Variants in PLS1 observed in about 807,000 individuals in gnomAD.
The protein encoded by PLS1 is plastin 1.
In PLS1, 32 loss-of-function variants were observed where a neutral mutation model predicts 73.7. That is an observed-to-expected ratio of 0.43 (90% confidence interval 0.33 to 0.58). PLS1 has a LOEUF of 0.58. PLS1 is among the 20% of genes least tolerant of loss of function. The pLI, the probability that PLS1 is intolerant of heterozygous loss-of-function variation, is 0.04. For missense variants in PLS1, 633 were observed against 740.5 expected, an observed-to-expected ratio of 0.85 and a Z score of 1.68; for synonymous variants, 217 against 261.3, an observed-to-expected ratio of 0.83 and a Z score of 1.63.
intron 2 of PLS1, among the ~76,000 whole-genome samples, chr3:142,665,342 G>GT (rs1203110448): frequency 1.6e-4 from 24 of 148,430 alleles, no homozygotes; most frequent in African/African-American, 5.7e-4. Flanking sequence ...GGAAGCTCAT[G>GT]TTTTACAAAT....
intron 1 of PLS1, chr3:142,654,992 C>G (rs1577845648): frequency 6.6e-6 from 1 of 152,136 alleles, no homozygotes; most frequent in East Asian, 1.9e-4. Flanking sequence ...TTTTACTAAC[C>G]TTTCCCCACA....
At chr3:142,632,611 T>TTC (rs1553782465) in intron 1 of PLS1, among the ~76,000 whole-genome samples, 1 of 151,382 alleles carries the variant, frequency 6.6e-6, no homozygotes, top group Admixed American at 6.6e-5. Flanking sequence ...TTTTTTTTTT[T>TTC]CCCCTGAGAC....
chr3:142,617,844 G>A (rs1477853780), intron 1 of PLS1, among the ~76,000 whole-genome samples: 5 of 152,106 alleles, frequency 3.3e-5, no homozygotes, highest in African/African-American at 1.2e-4. Flanking sequence ...CCGGCTTGGT[G>A]GCATGTGTCT....
intron 1 of PLS1, among the ~76,000 whole-genome samples, chr3:142,629,847 T>C (rs930586598): frequency 6.6e-6 from 1 of 152,184 alleles, no homozygotes; most frequent in African/African-American, 2.4e-5. Flanking sequence ...TATTATATGA[T>C]GTTTAGCAAC....
At chr3:142,662,659 G>A (rs2037396344) in intron 1 of PLS1, among the ~76,000 whole-genome samples, 1 of 152,228 alleles carries the variant, frequency 6.6e-6, no homozygotes. Context: ...GAATAAACAT[G>A]GAGAAGAACA....
At position 142,684,522 on chromosome 3, in the gene PLS1, T is replaced by C. The variant is rs1033824395; in HGVS notation, c.888+127T>C. The C allele has an allele frequency of 6.1e-5, 45 of 736,894 alleles. No homozygotes were observed. The African/African-American group carries it at 7.5e-4, about 12-fold the overall frequency. The allele number at this position is 736,894 out of a possible 1,614,324, so 45.6% of individuals were successfully genotyped here. ...TTGGGATAGAAAATGAAAATTTGCA[T>C]TACTGTGTGAAGTAGATCCCCCAAT... On this transcript the variant is annotated intron_variant, in intron 8 of 15. Transcript: ENST00000457734.
intron 1 of PLS1, among the ~76,000 whole-genome samples, chr3:142,619,055 T>G (rs2036268790): frequency 6.6e-6 from 1 of 152,186 alleles, no homozygotes; most frequent in Non-Finnish European, 1.5e-5. Flanking sequence ...CAAGCATTCA[T>G]GTTGATGTAC....
In PLS1 at chr3:142,711,489, T is replaced by C. The variant is rs1156534412; in HGVS notation, c.1630-12T>C. 6.4e-7 allele frequency: 1 copy of C among 1,562,156 alleles called. No individual in the cohort carries two copies. The highest frequency in any genetic ancestry group is 2.3e-5 in the East Asian group (1 of 44,286). Reference sequence around the variant, plus strand: ...GATGTTTATGAATGTTCATCTATGCTTTATTTTCTAGGATAAATCTATAAG... The same window carrying C: ...GATGTTTATGAATGTTCATCTATGCCTTATTTTCTAGGATAAATCTATAAG... On this transcript the variant is annotated splice_polypyrimidine_tract_variant and intron_variant, in intron 14 of 15. Coordinates refer to ENST00000457734, the MANE Select transcript of PLS1 (RefSeq NM_001145319.2).
chr3:142,682,774 A>G (rs1489749560), intron 6 of PLS1, among the ~76,000 whole-genome samples: 1 of 152,238 alleles, frequency 6.6e-6, no homozygotes, highest in Non-Finnish European at 1.5e-5. Flanking sequence ...CTTAAAAAAC[A>G]TTTGAAGCAG....
chr3:142,693,311 C>T (rs574085882), intron 10 of PLS1, among the ~76,000 whole-genome samples: 15 of 152,274 alleles, frequency 9.9e-5, no homozygotes, highest in East Asian at 9.6e-4. Flanking sequence ...GCGTTCCTAT[C>T]ATGGGTGTGC....
At chr3:142,703,544 C>T (rs2107955118) in intron 12 of PLS1, among the ~76,000 whole-genome samples, 1 of 152,242 alleles carries the variant, frequency 6.6e-6, no homozygotes, top group South Asian at 2.1e-4. Context: ...GATCCACCTG[C>T]CTTGGCCTCC....
At chr3:142,674,025 A>G (rs1372278243) in intron 4 of PLS1, 1 of 152,160 alleles carries the variant, frequency 6.6e-6, no homozygotes, top group Non-Finnish European at 1.5e-5. Context: ...ATATTCACCT[A>G]TTGAAAAACT....
chr3:142,614,915 C>T (rs1011860905), intron 1 of PLS1, among the ~76,000 whole-genome samples: 1 of 151,114 alleles, frequency 6.6e-6, no homozygotes, highest in Admixed American at 6.6e-5. Flanking sequence ...GGGACTTCAA[C>T]AGCTGGGTGG....
At chr3:142,632,817 T>C (rs1165528669) in intron 1 of PLS1, among the ~76,000 whole-genome samples, 2 of 152,204 alleles carry the variant, frequency 1.3e-5, no homozygotes, top group African/African-American at 2.4e-5. Context: ...CGGGCTGGTC[T>C]CAAACTCCTG....
rs141237629 is a variant in PLS1 at position 142,686,361 on chromosome 3, C to T, written c.966C>T (p.Asp322=). ...GGEDGPAIAI[D]LSGINETNDL... is the part of the protein sequence containing the mutation. ...AAGATGGACCTGCCATTGCCATTGA[C>T]CTTTCAGGAATTAATGTGAGTGCAA... is the stretch of plus-strand genomic sequence containing the variant. The change falls in exon 9 of 16, where the codon GAC becomes GAT. Residue 322 remains aspartate, a synonymous_variant. Coordinates refer to ENST00000457734, the MANE Select transcript of PLS1 (RefSeq NM_001145319.2). 3.1e-6 allele frequency: 5 copies of T among 1,601,254 alleles called. No homozygotes were observed. The highest frequency in any genetic ancestry group is 4.3e-6 in the Non-Finnish European group (5 of 1,168,388).
At chr3:142,606,635 A>G (rs2036023106) in intron 1 of PLS1, among the ~76,000 whole-genome samples, 1 of 152,186 alleles carries the variant, frequency 6.6e-6, no homozygotes, top group Non-Finnish European at 1.5e-5. Flanking sequence ...GGCAATGCCA[A>G]ATCTACTTTC....
intron 1 of PLS1, among the ~76,000 whole-genome samples, chr3:142,638,712 C>CATTTTATTTTATTTT (rs67652440): frequency 6.7e-6 from 1 of 149,562 alleles, no homozygotes. Flanking sequence ...CACTTATCTT[C>CATTTTATTTTATTTT]ATTTTATTTT....
At chr3:142,689,422 C>CTAAA (rs1463960536) in intron 9 of PLS1, among the ~76,000 whole-genome samples, 196 bp from the exon 10 acceptor site, 117 of 118,076 alleles carry the variant, frequency 9.9e-4, no homozygotes, top group African/African-American at 3.7e-3. Context: ...GACTCTGTCT[C>CTAAA]TAAATACATA....
intron 6 of PLS1, among the ~76,000 whole-genome samples, chr3:142,680,832 T>G (rs939673070): frequency 1.8e-4 from 28 of 152,296 alleles, no homozygotes; most frequent in African/African-American, 6.7e-4. Flanking sequence ...CACTGACAGG[T>G]TATACAGAGG....
Sources: allele counts gnomAD v4.1 joint callset (sites outside exome capture counted in the v4.1 genomes callset), GRCh38; gene constraint gnomAD v4.1.1; transcripts MANE v1.5; gene names NCBI Gene and HGNC (gene_info 2026-07-23, HGNC 2026-07-21).